Variants in THSD7B observed in about 807,000 individuals in gnomAD.
THSD7B encodes thrombospondin type 1 domain containing 7B, also known as thrombospondin type-1 domain-containing protein 7B.
In THSD7B, 138 loss-of-function variants were observed where a neutral mutation model predicts 213.6. The observed-to-expected ratio is 0.65, with a 90% CI of 0.56 to 0.74. The LOEUF is 0.74. Among genes scored for constraint, THSD7B ranks in the 30% least tolerant of loss-of-function variants. THSD7B has a pLI of 0.00. For synonymous variants in THSD7B, 742 were observed against 687.0 expected, an observed-to-expected ratio of 1.08 and a Z score of -1.25; for missense variants, 1,931 against 1,991.5, an observed-to-expected ratio of 0.97 and a Z score of 0.58.
intron 1 of THSD7B, among the ~76,000 whole-genome samples, chr2:136,873,506 C>T (rs983467956): frequency 2.0e-5 from 3 of 152,040 alleles, no homozygotes; most frequent in East Asian, 3.9e-4. Context: ...TTTTTTCCTT[C>T]GCAGGGTCAG....
intron 2 of THSD7B, among the ~76,000 whole-genome samples, chr2:136,912,681 A>G (rs926805702): frequency 1.3e-4 from 20 of 152,156 alleles, no homozygotes; most frequent in Admixed American, 2.0e-4. Context: ...TGTGATAATG[A>G]ATAAGTCTCA....
chr2:137,521,018 G>T (rs193116187), intron 15 of THSD7B, among the ~76,000 whole-genome samples: 1 of 152,284 alleles, frequency 6.6e-6, no homozygotes, highest in South Asian at 2.1e-4. Flanking sequence ...CTGACCTGAG[G>T]TGGGGTTGGG....
chr2:137,224,423 C>A (rs1681450449), intron 7 of THSD7B, among the ~76,000 whole-genome samples: 1 of 152,190 alleles, frequency 6.6e-6, no homozygotes. Context: ...TGTTCCTACA[C>A]AGAATGTTTA....
chr2:137,012,487 A>G (rs566644965), intron 2 of THSD7B, among the ~76,000 whole-genome samples: 5 of 152,334 alleles, frequency 3.3e-5, no homozygotes, highest in African/African-American at 1.2e-4. Context: ...GCAGAAGTGA[A>G]TGGTTTGGTT....
intron 12 of THSD7B, among the ~76,000 whole-genome samples, chr2:137,318,814 G>C (rs1388812572): frequency 2.0e-5 from 1 of 50,376 alleles, no homozygotes; most frequent in Non-Finnish European, 3.9e-5. Flanking sequence ...TTTTTTTTGA[G>C]ATGGAGTCTC....
chr2:137,602,962 C>T (rs923491316), intron 17 of THSD7B, among the ~76,000 whole-genome samples: 9 of 152,192 alleles, frequency 5.9e-5, no homozygotes, highest in Non-Finnish European at 2.9e-5. Context: ...CCACTCATCA[C>T]ATCCCAGAGT....
At chr2:137,256,172 T>G in intron 10 of THSD7B, among the ~76,000 whole-genome samples, 1 of 152,160 alleles carries the variant, frequency 6.6e-6, no homozygotes, top group Non-Finnish European at 1.5e-5. Context: ...TACCTAAATA[T>G]TTGTTGAATG....
chr2:137,612,515 A>G (rs352192), intron 17 of THSD7B, among the ~76,000 whole-genome samples: 29,411 of 152,172 alleles, frequency 0.19, 3,271 homozygotes, highest in South Asian at 0.29. Flanking sequence ...TAACATGGTC[A>G]CTTAACTGCA....
chr2:137,438,198 G>A (rs4443050), intron 14 of THSD7B, among the ~76,000 whole-genome samples: 149,603 of 152,196 alleles, frequency 0.98, 73,579 homozygotes, highest in Non-Finnish European at 1. Flanking sequence ...ACAGGCACAA[G>A]GTAACACCAC....
chr2:137,572,618 G>C (rs924591377), intron 17 of THSD7B, 62 bp downstream of exon 17: 2 of 1,578,340 alleles, frequency 1.3e-6, no homozygotes, highest in Admixed American at 1.7e-5. Flanking sequence ...GTTGTTCGTT[G>C]TGCATTCACA....
intron 2 of THSD7B, among the ~76,000 whole-genome samples, chr2:136,968,370 A>G (rs1433623831): frequency 2.0e-5 from 3 of 152,026 alleles, no homozygotes; most frequent in African/African-American, 7.2e-5. Context: ...AATAGTGGTG[A>G]AGTTGAGAAT....
chr2:137,542,106 C>A (rs1680621619), intron 15 of THSD7B, among the ~76,000 whole-genome samples: 1 of 151,640 alleles, frequency 6.6e-6, no homozygotes, highest in Non-Finnish European at 1.5e-5. Context: ...AGAAGCTCAA[C>A]AAACTTTGTG....
chr2:136,843,332 T>C (rs141481742), intron 1 of THSD7B, among the ~76,000 whole-genome samples: 76 of 152,338 alleles, frequency 5.0e-4, no homozygotes, highest in African/African-American at 1.7e-3. Flanking sequence ...TCCTGGCTTA[T>C]GTAAATTTCT....
chr2:137,666,390 A>G (rs890888494), intron 26 of THSD7B, among the ~76,000 whole-genome samples: 8 of 152,112 alleles, frequency 5.3e-5, no homozygotes, highest in African/African-American at 1.9e-4. Flanking sequence ...GAAAAATACA[A>G]TTACTACATT....
intron 2 of THSD7B, among the ~76,000 whole-genome samples, chr2:137,005,281 G>T (rs1686081583): frequency 6.6e-6 from 1 of 152,220 alleles, no homozygotes; most frequent in Non-Finnish European, 1.5e-5. Flanking sequence ...GAGTTGAAAG[G>T]TTCTGAAATC....
intron 12 of THSD7B, among the ~76,000 whole-genome samples, chr2:137,303,732 A>T (rs1683670306): frequency 7.1e-6 from 1 of 140,376 alleles, no homozygotes; most frequent in South Asian, 2.2e-4. Flanking sequence ...ATATATTTAT[A>T]TATATATTTA....
intron 2 of THSD7B, among the ~76,000 whole-genome samples, chr2:136,909,601 T>C (rs981621100): frequency 2.2e-4 from 33 of 152,264 alleles, no homozygotes; most frequent in Non-Finnish European, 4.4e-4. Flanking sequence ...GGAAAATCCA[T>C]TTGAGCTTAT....
In THSD7B at chr2:136,974,769, C is replaced by T. The variant is rs185223837; in HGVS notation, c.140-81651C>T. Among the ~76,000 whole-genome samples the T allele has an allele frequency of 2.5e-3, 374 of 152,302 alleles. 4 individuals are homozygous for T. Among genetic ancestry groups the T allele is most frequent in the African/African-American group, 8.8e-3 (365 of 41,558 alleles). ...TTCTGGTTCTAGGTCTTTGAGGAAT[C>T]GCCATGCTTTCCTCCACAATGATTA... On this transcript the variant is annotated intron_variant, in intron 2 of 27. Coordinates refer to ENST00000409968, the MANE Select transcript of THSD7B (RefSeq NM_001316349.2).
At chr2:136,897,524 T>G (rs1051296608) in intron 2 of THSD7B, among the ~76,000 whole-genome samples, 3 of 152,106 alleles carry the variant, frequency 2.0e-5, no homozygotes, top group South Asian at 2.1e-4. Flanking sequence ...TTACAACTCA[T>G]AAAGGTAGTG....
Sources: allele counts gnomAD v4.1 joint callset (sites outside exome capture counted in the v4.1 genomes callset), GRCh38; gene constraint gnomAD v4.1.1; transcripts MANE v1.5; gene names NCBI Gene and HGNC (gene_info 2026-07-23, HGNC 2026-07-21).